TUBGCP3: variants seen among roughly 807,000 people sequenced by gnomAD.
The protein encoded by TUBGCP3 is tubulin gamma complex component 3.
A neutral mutation model predicts 123.1 loss-of-function variants in TUBGCP3; 50 were observed. That is an observed-to-expected ratio of 0.41 (90% confidence interval 0.32 to 0.51). The LOEUF (loss-of-function observed/expected upper bound fraction) is 0.51. Ranked by LOEUF, TUBGCP3 falls within the 20% of genes least tolerant of loss-of-function variation. The pLI, the probability that TUBGCP3 is intolerant of heterozygous loss-of-function variation, is 0.36. For synonymous variants in TUBGCP3, 405 were observed against 413.9 expected (o/e 0.98, Z 0.26); for missense variants, 882 against 1,127.0 (o/e 0.78, Z 3.11).
chr13:112,487,163 T>C (rs1478780891), intron 21 of TUBGCP3, among the ~76,000 whole-genome samples: 2 of 152,080 alleles, frequency 1.3e-5, no homozygotes, highest in African/African-American at 4.8e-5. Context: ...TGCCAAAATA[T>C]AGACAGTGAC....
chr13:112,586,840 A>C (rs1882644254), intron 1 of TUBGCP3, among the ~76,000 whole-genome samples: 2 of 152,128 alleles, frequency 1.3e-5, no homozygotes, highest in Non-Finnish European at 2.9e-5. Context: ...TTCTTAGATA[A>C]ATAAAGTGAT....
At chr13:112,547,876 T>TAA in intron 9 of TUBGCP3, 124 bp from the exon 10 acceptor site, 3 of 1,112,212 alleles carry the variant, frequency 2.7e-6, no homozygotes, top group Non-Finnish European at 3.6e-6. Context: ...AAGTCCCCTT[T>TAA]AAAAAAAAAT....
At chr13:112,601,418 G>A in the TUBGCP3 span, among the ~76,000 whole-genome samples, 7 of 152,116 alleles carry the variant, frequency 4.6e-5, no homozygotes, top group East Asian at 5.8e-4. Context: ...TCTGTCGCCC[G>A]GGCTTGAGAT....
chr13:112,543,536 AAAGGT>A (rs1878705155), intron 11 of TUBGCP3, among the ~76,000 whole-genome samples: 1 of 152,238 alleles, frequency 6.6e-6, no homozygotes, highest in African/African-American at 2.4e-5. Flanking sequence ...GAAAAGAACA[AAAGGT>A]AAGTACTGCC....
intron 19 of TUBGCP3, among the ~76,000 whole-genome samples, chr13:112,503,684 C>T (rs996103815): frequency 6.6e-6 from 1 of 152,136 alleles, no homozygotes; most frequent in Non-Finnish European, 1.5e-5. Flanking sequence ...GTTCTTATAT[C>T]GTGTTGCTTA....
chr13:112,505,659 G>A (rs1199411458), intron 17 of TUBGCP3, among the ~76,000 whole-genome samples: 1 of 152,222 alleles, frequency 6.6e-6, no homozygotes, highest in African/African-American at 2.4e-5. Context: ...ACACATGACA[G>A]CTTCGTCAGT....
chr13:112,590,477 T>C (rs948850511), upstream of TUBGCP3, among the ~76,000 whole-genome samples: 1 of 152,018 alleles, frequency 6.6e-6, no homozygotes, highest in Non-Finnish European at 1.5e-5. Context: ...CAGAAGGCCC[T>C]TTCGAGGTAT....
chr13:112,567,035 A>G (rs1426338828), intron 2 of TUBGCP3, among the ~76,000 whole-genome samples: 1 of 152,246 alleles, frequency 6.6e-6, no homozygotes, highest in Non-Finnish European at 1.5e-5. Context: ...TCAAATGTCT[A>G]AGCATTCATA....
intron 20 of TUBGCP3, chr13:112,489,921 C>A (rs1017424566): frequency 3.6e-6 from 2 of 558,794 alleles, no homozygotes; most frequent in Non-Finnish European, 6.3e-6. Flanking sequence ...ACATTTGAGA[C>A]TGCCTCTGTT....
chr13:112,530,544 G>A (rs932835292), intron 11 of TUBGCP3, among the ~76,000 whole-genome samples: 2 of 152,216 alleles, frequency 1.3e-5, no homozygotes, highest in African/African-American at 2.4e-5. Context: ...GGTGTGAAAC[G>A]CACTTGTGCG....
intron 8 of TUBGCP3, among the ~76,000 whole-genome samples, chr13:112,553,733 TGGA>T (rs1447254171): frequency 6.6e-6 from 1 of 152,306 alleles, no homozygotes; most frequent in South Asian, 2.1e-4. Context: ...CTCAACCTTC[TGGA>T]GGAGGCAGCA....
chr13:112,547,394 G>T, intron 10 of TUBGCP3: 1 of 665,914 alleles, frequency 1.5e-6, no homozygotes, highest in Non-Finnish European at 2.2e-6. Flanking sequence ...CCCATCTGTC[G>T]ATTCCTATCG....
chr13:112,560,185 C>T (rs1880386182), intron 3 of TUBGCP3, among the ~76,000 whole-genome samples: 1 of 150,576 alleles, frequency 6.6e-6, no homozygotes, highest in Non-Finnish European at 1.5e-5. Context: ...AATCCCAGCA[C>T]TTTGGGAGGC....
intron 14 of TUBGCP3, among the ~76,000 whole-genome samples, chr13:112,520,867 G>A (rs1425647770): frequency 3.3e-5 from 5 of 152,206 alleles, no homozygotes; most frequent in Admixed American, 6.5e-5. Context: ...TCAGGTAGAC[G>A]TGTAAGCTCT....
Position 112,530,277 on chromosome 13 carries a change from C to A in TUBGCP3, c.1336-2793G>T, listed in dbSNP as rs1877470730. 2.0e-5 allele frequency among the ~76,000 whole-genome samples: 3 copies of A among 152,164 alleles called. No individual in the cohort carries two copies. The South Asian group carries it at 6.2e-4, about 32-fold the overall frequency. ...TTCTTCGTCAGCATATATTATACTTCTAATATGCTATGCTAAATGTCTTAA... is the reference window on the plus strand; with the variant it reads ...TTCTTCGTCAGCATATATTATACTTATAATATGCTATGCTAAATGTCTTAA... On this transcript the variant is annotated intron_variant, in intron 11 of 21. Transcript: ENST00000261965.
rs763206054 is a variant in TUBGCP3, at chr13:112,522,616, G to A, written c.1556-107C>T. ...GACTCAGGGCCAACCACTGCCTGTG[G>A]CATCAGTAACAGACTGACCGCAGGC... On this transcript the variant is annotated intron_variant, in intron 13 of 21. Transcript: ENST00000261965. 5 of 1,121,658 alleles carry A rather than the reference G, an allele frequency of 4.5e-6. No individual in the cohort carries two copies. The East Asian group carries it at 1.2e-4, about 28-fold the overall frequency. 69.5% of individuals were successfully genotyped at this position (1,121,658 alleles called of 1,614,324 possible).
chr13:112,493,389 C>CT (rs1204306089), intron 20 of TUBGCP3, among the ~76,000 whole-genome samples: 1 of 148,830 alleles, frequency 6.7e-6, no homozygotes, highest in Non-Finnish European at 1.5e-5. Flanking sequence ...GACGCTCTGG[C>CT]TATGGGAACG....
chr13:112,562,248 TACCACCAGCCAGGACCTACTAGGGAAC>T (rs1566580716), intron 3 of TUBGCP3, among the ~76,000 whole-genome samples: 6 of 116,480 alleles, frequency 5.2e-5, no homozygotes, highest in Non-Finnish European at 8.8e-5. Context: ...TACTAGGGAA[TACCACCAGCCAGGACCTACTAGGGAAC>T]ACCACCAGCC....
chr13:112,589,885 A>G (rs572842396), upstream of TUBGCP3, among the ~76,000 whole-genome samples: 33 of 152,358 alleles, frequency 2.2e-4, no homozygotes, highest in South Asian at 1.5e-3. Context: ...CTCCAAAAAC[A>G]GGACGAGAAA....
Sources: gnomAD v4.1 joint callset for allele counts (sites outside exome capture counted in the v4.1 genomes callset) on GRCh38, gnomAD v4.1.1 for gene constraint, MANE v1.5 for transcripts, NCBI Gene and HGNC (gene_info 2026-07-23, HGNC 2026-07-21) for gene names.